UCHL5: variants seen among roughly 807,000 people sequenced by gnomAD.
UCHL5 encodes the protein ubiquitin C-terminal hydrolase L5.
Under a neutral mutation model 53.8 loss-of-function variants are expected in UCHL5, and 34 were observed. That is an observed-to-expected ratio of 0.63 (90% CI 0.48 to 0.84). UCHL5 has a LOEUF of 0.84. Ranked by LOEUF, UCHL5 falls within the 40% of genes least tolerant of loss-of-function variation. The pLI, the probability that UCHL5 is intolerant of heterozygous loss-of-function variation, is 0.00. For synonymous variants in UCHL5, 111 were observed against 126.3 expected (o/e 0.88, Z 0.81); for missense variants, 290 against 385.6 (o/e 0.75, Z 2.08).
chr1:193,030,944 A>G (rs143954129), intron 3 of UCHL5, among the ~76,000 whole-genome samples: 14 of 152,280 alleles, frequency 9.2e-5, no homozygotes, highest in African/African-American at 3.1e-4. Context: ...CTCAATAACT[A>G]TAACATCACC....
intron 10 of UCHL5, among the ~76,000 whole-genome samples, chr1:193,019,023 T>C (rs1325343814): frequency 1.3e-5 from 2 of 151,656 alleles, no homozygotes; most frequent in Non-Finnish European, 3.0e-5. Flanking sequence ...GAAAATGATA[T>C]TTTAATATGG....
chr1:193,031,402 G>A (rs1235539758), intron 3 of UCHL5, among the ~76,000 whole-genome samples: 2 of 152,082 alleles, frequency 1.3e-5, no homozygotes, highest in Admixed American at 1.3e-4. Context: ...CTTCAAATTT[G>A]TAATCCATTA....
At chr1:193,054,239 G>A (rs1484277171) in intron 1 of UCHL5, among the ~76,000 whole-genome samples, 1 of 152,152 alleles carries the variant, frequency 6.6e-6, no homozygotes, top group East Asian at 1.9e-4. Flanking sequence ...TCAACCTGGA[G>A]CCCCAAGAAA....
intron 3 of UCHL5, among the ~76,000 whole-genome samples, chr1:193,048,277 T>A (rs1476851195): frequency 6.6e-6 from 1 of 152,200 alleles, no homozygotes; most frequent in Non-Finnish European, 1.5e-5. Flanking sequence ...TTGTTGTTGA[T>A]AAAATTTGAA....
chr1:193,042,069 G>T (rs1165418995), intron 3 of UCHL5, among the ~76,000 whole-genome samples: 18 of 151,284 alleles, frequency 1.2e-4, no homozygotes, highest in Admixed American at 1.2e-3. Context: ...TCATGCCACT[G>T]CACTCCAGCC....
intron 6 of UCHL5, among the ~76,000 whole-genome samples, chr1:193,028,907 G>A (rs1449764336): frequency 6.6e-6 from 1 of 152,066 alleles, no homozygotes; most frequent in Admixed American, 6.6e-5. Context: ...GTTTTTAAAT[G>A]TTAAATGGAA....
chr1:193,019,288 T>C (rs1184413398), intron 10 of UCHL5, among the ~76,000 whole-genome samples: 1 of 151,630 alleles, frequency 6.6e-6, no homozygotes, highest in Non-Finnish European at 1.5e-5. Flanking sequence ...TTTCCCAAAT[T>C]GTACCATGAG....
chr1:193,041,960 C>G (rs1665721244), intron 3 of UCHL5, among the ~76,000 whole-genome samples: 1 of 151,686 alleles, frequency 6.6e-6, no homozygotes, highest in African/African-American at 2.4e-5. Flanking sequence ...TCTGTCTCTA[C>G]CAAAAATATA....
At chr1:193,025,614 C>A (rs776288707) in intron 7 of UCHL5, among the ~76,000 whole-genome samples, 3 of 152,144 alleles carry the variant, frequency 2.0e-5, no homozygotes, top group African/African-American at 7.2e-5. Context: ...TAACAAGGAG[C>A]CTTATTCCAT....
At chr1:193,050,033 T>C (rs1668525791) in intron 2 of UCHL5, among the ~76,000 whole-genome samples, 182 bp from the exon 3 acceptor site, 1 of 152,216 alleles carries the variant, frequency 6.6e-6, no homozygotes, top group South Asian at 2.1e-4. Flanking sequence ...AAGATGCTAA[T>C]ACAACTTAAA....
At chr1:193,055,580 T>G (rs1391778878) in intron 1 of UCHL5, among the ~76,000 whole-genome samples, 1 of 152,250 alleles carries the variant, frequency 6.6e-6, no homozygotes, top group Non-Finnish European at 1.5e-5. Context: ...CAGGATAAAA[T>G]CTAACACTTA....
At chr1:193,042,553 G>A (rs937914811) in intron 3 of UCHL5, among the ~76,000 whole-genome samples, 1 of 152,212 alleles carries the variant, frequency 6.6e-6, no homozygotes, top group East Asian at 1.9e-4. Context: ...CACATTAAAG[G>A]TGGTAATACT....
At chr1:193,051,866 C>A in intron 1 of UCHL5, 49 bp from the exon 2 acceptor site, 1 of 1,353,472 alleles carries the variant, frequency 7.4e-7, no homozygotes, top group African/African-American at 1.5e-5. Context: ...TTCATTTTTT[C>A]CTTCAACATG....
At chr1:193,043,540 T>C (rs1666404441) in intron 3 of UCHL5, among the ~76,000 whole-genome samples, 1 of 152,198 alleles carries the variant, frequency 6.6e-6, no homozygotes, top group Admixed American at 6.5e-5. Flanking sequence ...GGCTTTGCCC[T>C]TGGTTCCTGG....
At chr1:193,017,360 T>C (rs952922901) in intron 10 of UCHL5, among the ~76,000 whole-genome samples, 1 of 151,772 alleles carries the variant, frequency 6.6e-6, no homozygotes, top group Non-Finnish European at 1.5e-5. Flanking sequence ...AATCTCTTTT[T>C]GTAATGTATT....
intron 3 of UCHL5, among the ~76,000 whole-genome samples, chr1:193,048,914 G>C (rs529561130): frequency 6.6e-6 from 1 of 152,028 alleles, no homozygotes; most frequent in South Asian, 2.1e-4. Context: ...TTTTGAGACA[G>C]GGTCAAGCTC....
At chr1:193,030,400 A>C (rs1417478640) in intron 3 of UCHL5, among the ~76,000 whole-genome samples, 1 of 152,240 alleles carries the variant, frequency 6.6e-6, no homozygotes, top group East Asian at 1.9e-4. Flanking sequence ...GTAAGTGCCC[A>C]AGGGCACACA....
intron 3 of UCHL5, among the ~76,000 whole-genome samples, chr1:193,036,967 A>G (rs2102596005): frequency 6.6e-6 from 1 of 152,196 alleles, no homozygotes; most frequent in East Asian, 1.9e-4. Flanking sequence ...AAAAATGGAA[A>G]TACAGCATAC....
intron 3 of UCHL5, among the ~76,000 whole-genome samples, chr1:193,036,720 C>T (rs898844325): frequency 1.3e-5 from 2 of 151,908 alleles, no homozygotes; most frequent in Admixed American, 1.3e-4. Context: ...CCAGCATACA[C>T]CGAGGATAGA....
Sources: allele counts gnomAD v4.1 joint callset (sites outside exome capture counted in the v4.1 genomes callset), GRCh38; gene constraint gnomAD v4.1.1; transcripts MANE v1.5; gene names NCBI Gene and HGNC (gene_info 2026-07-23, HGNC 2026-07-21).